JAKMIP2: variants seen among roughly 807,000 people sequenced by gnomAD.
JAKMIP2 encodes the protein janus kinase and microtubule-interacting protein 2.
In JAKMIP2, 25 loss-of-function variants were observed where a neutral mutation model predicts 115.0. That is an observed-to-expected ratio of 0.22 (90% CI 0.16 to 0.30). The LOEUF (loss-of-function observed/expected upper bound fraction) is 0.30. Ranked by LOEUF, JAKMIP2 falls within the 10% of genes least tolerant of loss-of-function variation. The pLI is 1.00. For synonymous variants in JAKMIP2, 334 were observed against 343.6 expected (o/e 0.97, Z 0.31); for missense variants, 642 against 957.6 (o/e 0.67, Z 4.35).
chr5:147,779,115 T>C (rs1034913302), intron 1 of JAKMIP2, among the ~76,000 whole-genome samples: 2 of 152,092 alleles, frequency 1.3e-5, no homozygotes, highest in African/African-American at 2.4e-5. Context: ...AAAAGAAATG[T>C]AGAAAACTGT....
chr5:147,675,783 A>ATTTTTTTT (rs1245892919), intron 1 of JAKMIP2, among the ~76,000 whole-genome samples: 24 of 99,208 alleles, frequency 2.4e-4, no homozygotes, highest in East Asian at 5.9e-4. Context: ...ATCATATGAC[A>ATTTTTTTT]TTTTTTTTTT....
At chr5:147,626,124 T>C (rs1023386213) in intron 16 of JAKMIP2, among the ~76,000 whole-genome samples, 4 of 152,196 alleles carry the variant, frequency 2.6e-5, no homozygotes, top group Non-Finnish European at 5.9e-5. Context: ...ATTGTTGTTG[T>C]TTAGAATTAC....
chr5:147,633,253 C>G (rs1023187570), intron 12 of JAKMIP2, among the ~76,000 whole-genome samples: 6 of 152,108 alleles, frequency 3.9e-5, no homozygotes, highest in Admixed American at 6.6e-5. Context: ...ATTCAAAAAC[C>G]TTAATAATCT....
In JAKMIP2 at chr5:147,713,598, T is replaced by C. The variant is rs146433013; in HGVS notation, c.-148-41644A>G. 4.8e-3 allele frequency among the ~76,000 whole-genome samples: 733 copies of C among 152,226 alleles called. 15 individuals carry two copies. Among genetic ancestry groups the C allele is most frequent in the African/African-American group, 0.015 (622 of 41,540 alleles). On this transcript the variant is annotated intron_variant, in intron 1 of 21. Coordinates refer to ENST00000616793, the MANE Select transcript of JAKMIP2 (RefSeq NM_001270941.2). ...CAATTTAAAAGGCTAGGAGAAAAAC[T>C]GCAAATTTTAAAAAGCATTAAAGAA...
At chr5:147,631,643 A>T (rs1757355314) in intron 13 of JAKMIP2, 132 bp from the exon 14 acceptor site, 1 of 562,074 alleles carries the variant, frequency 1.8e-6, no homozygotes, top group African/African-American at 1.9e-5. Context: ...ATTCAATCTC[A>T]AGATGTTCAT....
chr5:147,735,125 C>G (rs1267654765), intron 1 of JAKMIP2, among the ~76,000 whole-genome samples: 2 of 152,158 alleles, frequency 1.3e-5, no homozygotes, highest in African/African-American at 4.8e-5. Flanking sequence ...ATTTGTTTCT[C>G]TCCTGCCAGA....
chr5:147,699,119 C>G (rs1752225700), intron 1 of JAKMIP2, among the ~76,000 whole-genome samples: 1 of 152,204 alleles, frequency 6.6e-6, no homozygotes. Flanking sequence ...ATACACCCAT[C>G]TATTATTACA....
chr5:147,690,217 A>G (rs1304690204), intron 1 of JAKMIP2, among the ~76,000 whole-genome samples: 1 of 151,904 alleles, frequency 6.6e-6, no homozygotes, highest in East Asian at 1.9e-4. Flanking sequence ...ATTGTTAGGC[A>G]TGGTGTTTGG....
At chr5:147,667,515 G>A (rs1158567865) in intron 2 of JAKMIP2, among the ~76,000 whole-genome samples, 1 of 152,168 alleles carries the variant, frequency 6.6e-6, no homozygotes, top group African/African-American at 2.4e-5. Context: ...AAAAGGTTGA[G>A]AGGTTATCAA....
In JAKMIP2 at chr5:147,716,507, C is replaced by T. The variant is rs75882245; in HGVS notation, c.-148-44553G>A. ...TTCTCCACATCCTCTCCAGCACCTGCTGTTTCCTGACTTTTTAATGATTGC... is the reference window on the plus strand; with the variant it reads ...TTCTCCACATCCTCTCCAGCACCTGTTGTTTCCTGACTTTTTAATGATTGC... On this transcript the variant is annotated intron_variant, in intron 1 of 21. Coordinates refer to ENST00000616793, the MANE Select transcript of JAKMIP2 (RefSeq NM_001270941.2). 5.5e-3 allele frequency among the ~76,000 whole-genome samples: 837 copies of T among 151,016 alleles called. 8 individuals are homozygous for T. The highest frequency in any genetic ancestry group is 0.019 in the African/African-American group (777 of 40,686).
chr5:147,664,857 G>A (rs796622518), intron 2 of JAKMIP2, among the ~76,000 whole-genome samples: 24 of 151,784 alleles, frequency 1.6e-4, no homozygotes, highest in African/African-American at 5.1e-4. Context: ...GATGTATGCT[G>A]TTATATCTCT....
At chr5:147,690,543 A>ATT (rs1459207533) in intron 1 of JAKMIP2, among the ~76,000 whole-genome samples, 1 of 5,118 alleles carries the variant, frequency 2.0e-4, no homozygotes, top group East Asian at 3.7e-3. Context: ...AAGAGATTAT[A>ATT]TATATATATA....
intron 14 of JAKMIP2, 86 bp from the exon 15 acceptor site, chr5:147,629,832 T>G: frequency 1.0e-6 from 1 of 1,001,714 alleles, no homozygotes; most frequent in Admixed American, 2.1e-5. Context: ...GAGGAAGACA[T>G]TTTAGGGCCT....
chr5:147,654,588 G>A (rs1348709074), intron 3 of JAKMIP2, among the ~76,000 whole-genome samples: 1 of 152,118 alleles, frequency 6.6e-6, no homozygotes, highest in Non-Finnish European at 1.5e-5. Context: ...TGCTGAAGTT[G>A]CTTATCAGCT....
At chr5:147,665,888 T>C (rs1244379851) in intron 2 of JAKMIP2, among the ~76,000 whole-genome samples, 1 of 152,140 alleles carries the variant, frequency 6.6e-6, no homozygotes, top group African/African-American at 2.4e-5. Context: ...TTACCCCAAA[T>C]TATCAACTCA....
chr5:147,717,374 T>C (rs1448927932), intron 1 of JAKMIP2, among the ~76,000 whole-genome samples: 1 of 147,016 alleles, frequency 6.8e-6, no homozygotes, highest in Non-Finnish European at 1.5e-5. Flanking sequence ...TTTTTCCAAT[T>C]CTGTGAAGAA....
At position 147,644,845 on chromosome 5, in the gene JAKMIP2, C is replaced by T. The variant is rs774245785; in HGVS notation, c.1083+5G>A. 1 of 1,612,420 alleles carries T rather than the reference C, an allele frequency of 6.2e-7. No homozygotes were observed. The highest frequency in any genetic ancestry group is 8.5e-7 in the Non-Finnish European group (1 of 1,179,342). ...CTGCAGTTTTGCAGAGTCTGTGATA[C>T]ACACCATTTCTGAATTTTCCTTGGT... On this transcript the variant is annotated splice_donor_5th_base_variant and intron_variant, in intron 6 of 21. Coordinates refer to ENST00000616793, the MANE Select transcript of JAKMIP2 (RefSeq NM_001270941.2).
chr5:147,634,570 G>T (rs114332263), intron 12 of JAKMIP2, among the ~76,000 whole-genome samples: 2 of 152,264 alleles, frequency 1.3e-5, no homozygotes, highest in Non-Finnish European at 2.9e-5. Flanking sequence ...GCTGGTTCTA[G>T]TGGTTAACGA....
At chr5:147,640,850 C>T (rs1273992272) in intron 8 of JAKMIP2, 27 bp from the exon 9 acceptor site, 2 of 1,605,110 alleles carry the variant, frequency 1.2e-6, no homozygotes, top group South Asian at 1.1e-5. Context: ...TACCTATTTA[C>T]TGACATAGCT....
Sources: gnomAD v4.1 joint callset for allele counts (sites outside exome capture counted in the v4.1 genomes callset) on GRCh38, gnomAD v4.1.1 for gene constraint, MANE v1.5 for transcripts, NCBI Gene and HGNC (gene_info 2026-07-23, HGNC 2026-07-21) for gene names.